Variants in NDST4 observed in about 807,000 individuals in gnomAD.
NDST4 encodes N-heparan sulfate sulfotransferase 4.
Under a neutral mutation model 100.8 loss-of-function variants are expected in NDST4, and 63 were observed. The observed-to-expected ratio is 0.62, with a 90% confidence interval of 0.51 to 0.77. The LOEUF (loss-of-function observed/expected upper bound fraction) is 0.77. Ranked by LOEUF, NDST4 falls within the 30% of genes least tolerant of loss-of-function variation. The pLI, the probability that NDST4 is intolerant of heterozygous loss-of-function variation, is 0.00. For missense variants in NDST4, 943 were observed against 1,018.4 expected (o/e 0.93, Z 1.01); for synonymous variants, 377 against 361.8 (o/e 1.04, Z -0.48).
intron 2 of NDST4, among the ~76,000 whole-genome samples, chr4:115,017,202 G>T (rs112809781): frequency 6.6e-6 from 1 of 151,898 alleles, no homozygotes; most frequent in East Asian, 1.9e-4. Context: ...AGTATTATTA[G>T]GAAAGAACAC....
intron 1 of NDST4, among the ~76,000 whole-genome samples, chr4:115,078,192 TG>T (rs1479869448): frequency 6.6e-6 from 1 of 152,176 alleles, no homozygotes; most frequent in African/African-American, 2.4e-5. Context: ...TTCTGCAGGC[TG>T]TACAGGAAGC....
intron 2 of NDST4, among the ~76,000 whole-genome samples, chr4:115,027,331 GC>G (rs1728008704): frequency 6.6e-6 from 1 of 152,030 alleles, no homozygotes; most frequent in Non-Finnish European, 1.5e-5. Context: ...AAAACAGTTT[GC>G]CAACCCATGC....
intron 6 of NDST4, among the ~76,000 whole-genome samples, chr4:114,922,826 A>G (rs764656437): frequency 1.6e-4 from 24 of 152,212 alleles, no homozygotes; most frequent in Admixed American, 1.3e-4. Flanking sequence ...TATTGAGCCC[A>G]TGCTCTATGC....
intron 2 of NDST4, among the ~76,000 whole-genome samples, chr4:115,067,618 C>T (rs1041684510): frequency 1.3e-5 from 2 of 151,506 alleles, no homozygotes; most frequent in African/African-American, 4.8e-5. Flanking sequence ...AACAACCTGT[C>T]TCCTGTTTAA....
intron 1 of NDST4, among the ~76,000 whole-genome samples, chr4:115,081,010 G>A (rs1189434532): frequency 1.3e-5 from 2 of 151,790 alleles, no homozygotes; most frequent in African/African-American, 2.4e-5. Context: ...CATTAAAAAT[G>A]TGATTTTTAT....
At chr4:114,829,959 T>C (rs555545575) in intron 12 of NDST4, 67 bp from the exon 13 acceptor site, 99 of 1,079,694 alleles carry the variant, frequency 9.2e-5, no homozygotes, top group East Asian at 6.5e-4. Context: ...GCCTCACCAA[T>C]TGAATAAAGG....
At chr4:114,978,029 G>A (rs1191407881) in intron 2 of NDST4, among the ~76,000 whole-genome samples, 2 of 151,818 alleles carry the variant, frequency 1.3e-5, no homozygotes, top group Admixed American at 1.3e-4. Flanking sequence ...TCCTTTCACC[G>A]CCATTATTCC....
At chr4:114,934,601 T>C (rs951840469) in intron 6 of NDST4, among the ~76,000 whole-genome samples, 7 of 151,316 alleles carry the variant, frequency 4.6e-5, no homozygotes, top group African/African-American at 1.7e-4. Flanking sequence ...AATAAAAAGT[T>C]GAACTCATAG....
intron 1 of NDST4, among the ~76,000 whole-genome samples, chr4:115,087,602 C>G (rs1202557305): frequency 6.6e-6 from 1 of 151,704 alleles, no homozygotes; most frequent in Admixed American, 6.6e-5. Context: ...CATTAATCTG[C>G]TAATCTATGT....
intron 2 of NDST4, among the ~76,000 whole-genome samples, chr4:115,013,370 T>TATATATATATAC (rs74678897): frequency 0.085 from 6,085 of 71,172 alleles, 472 homozygotes; most frequent in African/African-American, 0.14. Context: ...TATATATATA[T>TATATATATATAC]ACACACACAT....
At chr4:115,087,976 A>T (rs1013454965) in intron 1 of NDST4, among the ~76,000 whole-genome samples, 8 of 151,962 alleles carry the variant, frequency 5.3e-5, no homozygotes, top group Non-Finnish European at 8.8e-5. Flanking sequence ...TTTACAGTTT[A>T]AAATATAATT....
At chr4:115,017,353 A>G (rs775612610) in intron 2 of NDST4, among the ~76,000 whole-genome samples, 1 of 152,084 alleles carries the variant, frequency 6.6e-6, no homozygotes, top group Non-Finnish European at 1.5e-5. Flanking sequence ...TTTTTATTCA[A>G]TATATGCATT....
At chr4:115,092,214 G>A (rs1175771009) in intron 1 of NDST4, among the ~76,000 whole-genome samples, 6 of 152,048 alleles carry the variant, frequency 3.9e-5, no homozygotes. Context: ...TGTAGGTGAA[G>A]ACCCCCAACC....
chr4:115,040,024 C>T (rs1409414927), intron 2 of NDST4, among the ~76,000 whole-genome samples: 1 of 151,742 alleles, frequency 6.6e-6, no homozygotes, highest in Non-Finnish European at 1.5e-5. Context: ...TATACACACA[C>T]ATACTTGTTT....
intron 10 of NDST4, among the ~76,000 whole-genome samples, chr4:114,840,539 T>C (rs1723403550): frequency 6.6e-6 from 1 of 152,176 alleles, no homozygotes; most frequent in Non-Finnish European, 1.5e-5. Flanking sequence ...GACTGCAGCA[T>C]GAAAGGACTT....
chr4:114,962,688 C>T (rs1307785122), intron 4 of NDST4, among the ~76,000 whole-genome samples: 1 of 151,892 alleles, frequency 6.6e-6, no homozygotes, highest in Non-Finnish European at 1.5e-5. Flanking sequence ...AAAGACAACC[C>T]ATGTTCATGT....
chr4:114,847,416 A>AAAAAAAAAAAAAAAAAAT (rs1391736224), intron 9 of NDST4, among the ~76,000 whole-genome samples: 4 of 103,642 alleles, frequency 3.9e-5, no homozygotes, highest in East Asian at 2.7e-4. Context: ...AAAAAAAAAA[A>AAAAAAAAAAAAAAAAAAT]GTGTCTTTCA....
At chr4:114,904,963 T>G (rs1318120002) in intron 6 of NDST4, among the ~76,000 whole-genome samples, 1 of 151,916 alleles carries the variant, frequency 6.6e-6, no homozygotes, top group African/African-American at 2.4e-5. Context: ...ATTATTGAGT[T>G]AAAAATTTTT....
At chr4:114,974,716 G>C (rs1726591299) in intron 3 of NDST4, among the ~76,000 whole-genome samples, 2 of 152,038 alleles carry the variant, frequency 1.3e-5, no homozygotes, top group Admixed American at 6.6e-5. Flanking sequence ...GGCACCTGTG[G>C]GTGAATGACT....
Sources: allele counts gnomAD v4.1 joint callset (sites outside exome capture counted in the v4.1 genomes callset), GRCh38; gene constraint gnomAD v4.1.1; transcripts MANE v1.5; gene names NCBI Gene and HGNC (gene_info 2026-07-23, HGNC 2026-07-21).